The following ABCA3 variants were observed in gnomAD, a reference collection of about 807,000 sequenced individuals.
ABCA3 encodes ATP binding cassette subfamily A member 3, also known as phospholipid-transporting ATPase ABCA3.
A neutral mutation model predicts 172.8 loss-of-function variants in ABCA3; 88 were observed. The observed-to-expected ratio is 0.51, with a 90% CI of 0.43 to 0.61. ABCA3 has a LOEUF of 0.61. ABCA3 is among the 20% of genes least tolerant of loss of function. ABCA3 has a pLI of 0.00. For missense variants in ABCA3, 2,164 were observed against 2,301.0 expected (o/e 0.94, Z 1.22); for synonymous variants, 1,066 against 983.8 (o/e 1.08, Z -1.56).
rs1596840568 is a variant in ABCA3 at position 2,294,060 on chromosome 16, G to A, written c.2414+1530C>T. Among the ~76,000 whole-genome samples, 5 of 151,132 alleles carry A rather than the reference G, an allele frequency of 3.3e-5. No homozygotes were observed. In the South Asian group the frequency reaches 1.0e-3, roughly 32 times the overall value. On this transcript the variant is annotated intron_variant, in intron 18 of 32. Transcript: ENST00000301732. ...CCTCTGTCACCCAGGCTGGAATCCA[G>A]GGGTGCAGGGGTGCAGGGGTGTGAT...
chr16:2,332,663 GACCATTGCCGCGTTTGC>G (rs1449753175), intron 1 of ABCA3: 1 of 1,601,792 alleles, frequency 6.2e-7, no homozygotes, highest in Non-Finnish European at 8.5e-7. Flanking sequence ...ACCTTGATGA[GACCATTGCCGCGTTTGC>G]AGTGTGCCAC....
rs369986104 is a variant in ABCA3, at chr16:2,298,617, CCTCTCT to C, written c.1742-83_1742-78del. 3,757 of 1,560,350 alleles carry C rather than the reference CCTCTCT, an allele frequency of 2.4e-3. 67 individuals are homozygous for C. In the African/African-American group the frequency reaches 0.045, roughly 19 times the overall value. On this transcript the variant is annotated intron_variant, in intron 14 of 32. Transcript: ENST00000301732. Reference sequence around the variant, plus strand: ...CACCCGCGGTAATGACCCCCCACCCCCTCTCTGTCTCCCCTAATTTCCTCTGAGGAC... The same window carrying C: ...CACCCGCGGTAATGACCCCCCACCCCGTCTCCCCTAATTTCCTCTGAGGAC...
rs1181779407 is a variant in ABCA3 at position 2,286,690 on chromosome 16, A to G, written c.3278+4T>C. On this transcript the variant is annotated splice_donor_region_variant and intron_variant, in intron 22 of 32. Transcript: ENST00000301732. The surrounding 1 kb of genome is among the most constrained non-coding windows in gnomAD (Gnocchi z 5.2). ...GGGCAGACAGGGACGGGCAGTGCAC[A>G]TACTCGTTAAACTGGTCCTTGGCAG... 6.2e-7 allele frequency: 1 copy of G among 1,612,906 alleles called. No homozygotes were observed. The highest frequency in any genetic ancestry group is 1.1e-5 in the South Asian group (1 of 91,038).
chr16:2,284,266 C>T lies in ABCA3; in HGVS notation c.3862+13G>A. ...GCAGGGGTGCTGCCCGGGGTCGGGG[C>T]TGGGACACTCACTATATTTCTTGCA... On this transcript the variant is annotated intron_variant, in intron 25 of 32. Coordinates refer to ENST00000301732, the MANE Select transcript of ABCA3 (RefSeq NM_001089.3). The surrounding 1 kb of genome is among the most constrained non-coding windows in gnomAD (Gnocchi z 5.9). The T allele has an allele frequency of 2.5e-6, 4 of 1,611,266 alleles. No homozygotes were observed. The South Asian group carries it at 4.4e-5, about 18-fold the overall frequency.
chr16:2,314,619 C>T (rs888993746), intron 10 of ABCA3, among the ~76,000 whole-genome samples: 6 of 152,044 alleles, frequency 3.9e-5, no homozygotes, highest in Non-Finnish European at 7.4e-5. Context: ...TCTTGTTGCC[C>T]AGGCTGGAGT....
intron 5 of ABCA3, 28 bp downstream of exon 5, chr16:2,325,982 T>C: frequency 1.2e-6 from 2 of 1,611,790 alleles, no homozygotes; most frequent in Non-Finnish European, 1.7e-6. Context: ...CCACTAGGCC[T>C]GGCACCGAGA....
chr16:2,302,935 G>A (rs528684590), intron 12 of ABCA3, among the ~76,000 whole-genome samples: 2 of 151,364 alleles, frequency 1.3e-5, no homozygotes, highest in Admixed American at 6.6e-5. Context: ...GATTAGAGGC[G>A]CCTGCCACCA....
At chr16:2,327,631 T>A (rs2093736466) in intron 3 of ABCA3, among the ~76,000 whole-genome samples, 1 of 152,208 alleles carries the variant, frequency 6.6e-6, no homozygotes. Flanking sequence ...TCACACCCTC[T>A]CCTTGGCCCT....
At position 2,276,133 on chromosome 16, in the gene ABCA3, G is replaced by A. The variant is rs1288073395; in HGVS notation, c.*541C>T. ...CCCTAAGGAGCAGAGCCTCCAGGAT[G>A]CCCCCGGGCTGCGCTGGACGCTAAG... On this transcript the variant is annotated 3_prime_UTR_variant, in exon 33 of 33. Transcript: ENST00000301732. 4 of 339,622 alleles carry A rather than the reference G, an allele frequency of 1.2e-5. No individual in the cohort carries two copies. The East Asian group carries it at 2.6e-4, about 22-fold the overall frequency. The allele number at this position is 339,622 out of a possible 1,614,324, so 21.0% of individuals were successfully genotyped here.
At chr16:2,318,236 A>AC (rs2141731166) in intron 8 of ABCA3, among the ~76,000 whole-genome samples, 1 of 151,714 alleles carries the variant, frequency 6.6e-6, no homozygotes, top group South Asian at 2.1e-4. Flanking sequence ...AACCTCCCCT[A>AC]CTCTGAAAGG....
intron 10 of ABCA3, 121 bp downstream of exon 10, chr16:2,317,162 G>A (rs1416217306): frequency 4.9e-5 from 71 of 1,446,310 alleles, no homozygotes; most frequent in Non-Finnish European, 7.7e-6. Context: ...CCCCTGGTCA[G>A]CTCCTCCCTG....
rs1278044377 is a variant in ABCA3, at chr16:2,326,013, G to T, written c.316C>A (p.Arg106=). The T allele has an allele frequency of 6.2e-7, 1 of 1,613,652 alleles. No individual in the cohort carries two copies. Among genetic ancestry groups the T allele is most frequent in the Non-Finnish European group, 8.5e-7 (1 of 1,179,952 alleles). ...TVRRALVINM[R]VRGFPSEKDF... ...CGAGAGCCCCGGCATGTCTCACCTC[G>T]CATGTTGATCACAAGTGCCCTGCGC... The change falls in exon 5 of 33, where the codon CGA becomes AGA. Residue 106 remains arginine (R), a synonymous_variant. Transcript: ENST00000301732.
chr16:2,325,927 G>A (rs2093733477), intron 5 of ABCA3, 83 bp downstream of exon 5: 8 of 1,590,942 alleles, frequency 5.0e-6, no homozygotes, highest in East Asian at 2.2e-5. Flanking sequence ...CAGCTGCTTC[G>A]CACATCCTGG....
intron 18 of ABCA3, 69 bp from the exon 19 acceptor site, chr16:2,292,307 C>T: frequency 7.2e-7 from 1 of 1,387,754 alleles, no homozygotes; most frequent in Non-Finnish European, 1.0e-6. Flanking sequence ...CCTAAAGCAT[C>T]ACCCCCCCTC....
intron 11 of ABCA3, among the ~76,000 whole-genome samples, chr16:2,304,889 G>A (rs935679693): frequency 1.3e-5 from 2 of 151,958 alleles, no homozygotes; most frequent in South Asian, 2.1e-4. Context: ...GTTAGCCAGG[G>A]TGGTCTCGAT....
chr16:2,321,914 G>A (rs944744022), intron 7 of ABCA3, among the ~76,000 whole-genome samples: 9 of 152,130 alleles, frequency 5.9e-5, no homozygotes, highest in East Asian at 5.8e-4. Context: ...AAAAGCTGAC[G>A]TACAGCCGGG....
intron 12 of ABCA3, 68 bp from the exon 13 acceptor site, chr16:2,300,216 C>G: frequency 6.2e-7 from 1 of 1,600,200 alleles, no homozygotes; most frequent in Non-Finnish European, 8.5e-7. Context: ...CCAGCAGACA[C>G]ACTAGATGCA....
chr16:2,301,544 T>C (rs2093689479), intron 12 of ABCA3, among the ~76,000 whole-genome samples: 1 of 151,566 alleles, frequency 6.6e-6, no homozygotes, highest in African/African-American at 2.4e-5. Context: ...CCGTCTCTAA[T>C]AAAAATACAA....
intron 1 of ABCA3, chr16:2,332,206 T>C (rs1255037212): frequency 1.6e-5 from 6 of 380,128 alleles, no homozygotes; most frequent in African/African-American, 6.6e-5. Flanking sequence ...CAGCAGCAAA[T>C]TGGAGAAATC....
Sources: allele counts gnomAD v4.1 joint callset (sites outside exome capture counted in the v4.1 genomes callset), GRCh38; gene constraint gnomAD v4.1.1; non-coding constraint Gnocchi (gnomAD v3.1); transcripts MANE v1.5; gene names NCBI Gene and HGNC (gene_info 2026-07-23, HGNC 2026-07-21).